The following GRIA4 variants were observed in gnomAD, a reference collection of about 807,000 sequenced individuals.
GRIA4 encodes the protein glutamate ionotropic receptor AMPA type subunit 4, also known as glutamate receptor 4.
In GRIA4, 34 loss-of-function variants were observed where a neutral mutation model predicts 104.0. The ratio of observed to expected loss-of-function variants is 0.33; its 90% confidence interval spans 0.25 to 0.44. The LOEUF is 0.44. Ranked by LOEUF, GRIA4 falls within the 20% of genes least tolerant of loss-of-function variation. The pLI is 1.00. For missense variants in GRIA4, 750 were observed against 1,096.5 expected, an observed-to-expected ratio of 0.68 and a Z score of 4.46; for synonymous variants, 386 against 381.9, an observed-to-expected ratio of 1.01 and a Z score of -0.13.
At chr11:105,966,697 AAT>A (rs1410205923) in intron 14 of GRIA4, among the ~76,000 whole-genome samples, 2 of 89,194 alleles carry the variant, frequency 2.2e-5, no homozygotes, top group Non-Finnish European at 4.8e-5. Context: ...TTCCTAAAAT[AAT>A]AGTTTTTTTT....
intron 3 of GRIA4, among the ~76,000 whole-genome samples, chr11:105,719,172 T>C (rs1037499358): frequency 1.8e-4 from 28 of 151,972 alleles, no homozygotes; most frequent in Admixed American, 1.8e-3. Context: ...AAATTGAGAG[T>C]TCGGTAAGTG....
intron 3 of GRIA4, among the ~76,000 whole-genome samples, chr11:105,694,467 A>G (rs1271864088): frequency 1.3e-5 from 2 of 152,140 alleles, no homozygotes; most frequent in Non-Finnish European, 2.9e-5. Context: ...TTATCTTAAC[A>G]ATGTTTTATT....
chr11:105,973,025 C>T (rs886925912), intron 15 of GRIA4, among the ~76,000 whole-genome samples: 1 of 152,120 alleles, frequency 6.6e-6, no homozygotes, highest in Non-Finnish European at 1.5e-5. Flanking sequence ...TTCTGTCTGC[C>T]CTTTAACCAG....
At chr11:105,848,144 A>G (rs1180693252) in intron 4 of GRIA4, among the ~76,000 whole-genome samples, 1 of 152,204 alleles carries the variant, frequency 6.6e-6, no homozygotes, top group Non-Finnish European at 1.5e-5. Flanking sequence ...AGCATAATGG[A>G]GAACATTTGC....
At chr11:105,903,746 C>T (rs1225638091) in intron 7 of GRIA4, 68 bp from the exon 8 acceptor site, 1 of 1,079,208 alleles carries the variant, frequency 9.3e-7, no homozygotes, top group Middle Eastern at 2.1e-4. Flanking sequence ...CTTACAAAGA[C>T]CCCAGACCAT....
At chr11:105,972,751 T>TA (rs1858765933) in intron 15 of GRIA4, among the ~76,000 whole-genome samples, 1 of 152,130 alleles carries the variant, frequency 6.6e-6, no homozygotes, top group Non-Finnish European at 1.5e-5. Flanking sequence ...TTTTATTTTT[T>TA]AAAAAAATTA....
At chr11:105,638,873 C>T (rs552197441) in intron 3 of GRIA4, among the ~76,000 whole-genome samples, 1 of 152,208 alleles carries the variant, frequency 6.6e-6, no homozygotes, top group Admixed American at 6.5e-5. Flanking sequence ...TCTTTGTTTT[C>T]CTTCCTTATC....
At chr11:105,917,787 T>C (rs1341591614) in intron 10 of GRIA4, among the ~76,000 whole-genome samples, 1 of 150,750 alleles carries the variant, frequency 6.6e-6, no homozygotes, top group Admixed American at 6.7e-5. Context: ...GTCTCTTTAG[T>C]GCATGTCTTT....
At chr11:105,738,130 C>A (rs1939072332) in intron 3 of GRIA4, among the ~76,000 whole-genome samples, 1 of 151,876 alleles carries the variant, frequency 6.6e-6, no homozygotes, top group South Asian at 2.1e-4. Context: ...ACAGAGCAGG[C>A]AGTCTCATTG....
intron 3 of GRIA4, among the ~76,000 whole-genome samples, chr11:105,654,850 T>C (rs1317871217): frequency 2.6e-5 from 4 of 152,132 alleles, no homozygotes; most frequent in Non-Finnish European, 5.9e-5. Flanking sequence ...ATGAGTGAAG[T>C]TGGTCTTCAT....
At chr11:105,831,245 T>C (rs1200533086) in intron 4 of GRIA4, among the ~76,000 whole-genome samples, 1 of 152,008 alleles carries the variant, frequency 6.6e-6, no homozygotes, top group Non-Finnish European at 1.5e-5. Flanking sequence ...TTTCTCCTCC[T>C]TGTGGCTTTC....
chr11:105,823,852 A>T (rs1315367731), intron 4 of GRIA4, among the ~76,000 whole-genome samples: 2 of 152,062 alleles, frequency 1.3e-5, no homozygotes, highest in African/African-American at 2.4e-5. Context: ...TCAGAATATA[A>T]TTGTATTTGG....
chr11:105,898,522 CAT>C (rs1447429859), intron 7 of GRIA4, 95 bp downstream of exon 7: 3 of 736,390 alleles, frequency 4.1e-6, no homozygotes, highest in Non-Finnish European at 6.9e-6. Flanking sequence ...TTTTGCCAAA[CAT>C]AGTATGGCAT....
chr11:105,941,902 A>G (rs1052614765), intron 14 of GRIA4, among the ~76,000 whole-genome samples: 4 of 152,102 alleles, frequency 2.6e-5, no homozygotes, highest in African/African-American at 9.7e-5. Context: ...ATTTTGTAAT[A>G]ATAACAGGCC....
intron 3 of GRIA4, among the ~76,000 whole-genome samples, chr11:105,705,847 G>A (rs1001944230): frequency 3.9e-5 from 6 of 152,142 alleles, no homozygotes; most frequent in Non-Finnish European, 8.8e-5. Flanking sequence ...ATTTAACAAT[G>A]TTTAATAAAA....
At chr11:105,905,109 T>C in intron 8 of GRIA4, 88 bp from the exon 9 acceptor site, 7 of 730,328 alleles carry the variant, frequency 9.6e-6, no homozygotes, top group Non-Finnish European at 1.7e-5. Flanking sequence ...GTTCTACTTT[T>C]TTAAGTAGTT....
Position 105,661,305 on chromosome 11 carries a change from T to C in GRIA4, c.247+48871T>C, listed in dbSNP as rs1046881206. ...TAGAAAGAGAAGTATAGGAGTATTA[T>C]ATAGAGATATAATAACATAAAATGA... On this transcript the variant is annotated intron_variant, in intron 3 of 16. Transcript: ENST00000282499. Among the ~76,000 whole-genome samples, 7 of 151,678 alleles carry C rather than the reference T, an allele frequency of 4.6e-5. No homozygotes were observed. The East Asian group carries it at 1.4e-3, about 29-fold the overall frequency.
chr11:105,916,445 A>C (rs1947406910), intron 10 of GRIA4, among the ~76,000 whole-genome samples: 1 of 152,128 alleles, frequency 6.6e-6, no homozygotes, highest in African/African-American at 2.4e-5. Flanking sequence ...ATATTTTATT[A>C]TTGTTCCCCA....
At chr11:105,892,369 G>A (rs1333557894) in intron 6 of GRIA4, among the ~76,000 whole-genome samples, 2 of 151,936 alleles carry the variant, frequency 1.3e-5, no homozygotes, top group Non-Finnish European at 2.9e-5. Context: ...TTACATCTAG[G>A]AGAACACCTG....
Sources: allele counts gnomAD v4.1 joint callset (sites outside exome capture counted in the v4.1 genomes callset), GRCh38; gene constraint gnomAD v4.1.1; transcripts MANE v1.5; gene names NCBI Gene and HGNC (gene_info 2026-07-23, HGNC 2026-07-21).